AGBL4: variants seen among roughly 807,000 people sequenced by gnomAD.
AGBL4 encodes the protein AGBL carboxypeptidase 4.
A neutral mutation model predicts 66.4 loss-of-function variants in AGBL4; 58 were observed. That is an observed-to-expected ratio of 0.87 (90% CI 0.71 to 1.09). AGBL4 has a LOEUF of 1.09. Among genes scored for constraint, AGBL4 ranks in the 50% least tolerant of loss-of-function variants. AGBL4 has a pLI of 0.00. For synonymous variants in AGBL4, 234 were observed against 222.9 expected, an observed-to-expected ratio of 1.05 and a Z score of -0.44; for missense variants, 579 against 631.0, an observed-to-expected ratio of 0.92 and a Z score of 0.88.
At chr1:48,588,730 T>C (rs901175642) in intron 10 of AGBL4, among the ~76,000 whole-genome samples, 3 of 151,130 alleles carry the variant, frequency 2.0e-5, no homozygotes, top group Non-Finnish European at 4.4e-5. Context: ...GAATGTCAGA[T>C]CTGAAAGACC....
chr1:49,892,955 T>C (rs1648801035), intron 1 of AGBL4, among the ~76,000 whole-genome samples: 1 of 152,160 alleles, frequency 6.6e-6, no homozygotes, highest in Non-Finnish European at 1.5e-5. Context: ...CCTAATACTT[T>C]GCAGTTTTGT....
chr1:49,817,400 AT>A (rs1275734168), intron 2 of AGBL4, among the ~76,000 whole-genome samples: 3 of 152,216 alleles, frequency 2.0e-5, no homozygotes, highest in South Asian at 4.1e-4. Context: ...TGAGTTAAAA[AT>A]ATTGTCTGTT....
At chr1:49,603,312 CAAAG>C (rs1310154729) in intron 3 of AGBL4, among the ~76,000 whole-genome samples, 2 of 151,938 alleles carry the variant, frequency 1.3e-5, no homozygotes, top group Non-Finnish European at 2.9e-5. Context: ...AAGCAAAAGA[CAAAG>C]AAATAAGAAA....
intron 11 of AGBL4, among the ~76,000 whole-genome samples, chr1:48,572,864 G>C (rs894291769): frequency 2.0e-5 from 3 of 152,196 alleles, no homozygotes; most frequent in Non-Finnish European, 4.4e-5. Context: ...TCAGGCAACT[G>C]CAACAAAGCC....
rs1645968027 is a variant in AGBL4 at position 48,653,536 on chromosome 1, A to T, written c.725-85T>A. The T allele has an allele frequency of 4.8e-6, 5 of 1,041,054 alleles. No individual in the cohort carries two copies. In the South Asian group the frequency reaches 7.4e-5, roughly 15 times the overall value. The allele number at this position is 1,041,054 out of a possible 1,614,324, so 64.5% of individuals were successfully genotyped here. Reference sequence around the variant, plus strand: ...TTTTCTCAGCTTGGAAAACAAGAAGAGCTCAATAGGTGATTTTGGCCTGTG... The same window carrying T: ...TTTTCTCAGCTTGGAAAACAAGAAGTGCTCAATAGGTGATTTTGGCCTGTG... On this transcript the variant is annotated intron_variant, in intron 7 of 13. Transcript: ENST00000371839.
chr1:48,901,544 C>T (rs529101716), intron 5 of AGBL4, among the ~76,000 whole-genome samples: 10 of 152,190 alleles, frequency 6.6e-5, no homozygotes, highest in South Asian at 2.1e-4. Flanking sequence ...ACAATAAAAA[C>T]GAATGACCCA....
intron 4 of AGBL4, among the ~76,000 whole-genome samples, chr1:49,164,722 ATAACT>A (rs1324123438): frequency 1.3e-5 from 2 of 152,140 alleles, no homozygotes; most frequent in South Asian, 2.1e-4. Context: ...TTGCCTATTG[ATAACT>A]TAAATTATGT....
At chr1:48,949,152 A>C (rs1437093911) in intron 5 of AGBL4, among the ~76,000 whole-genome samples, 2 of 152,198 alleles carry the variant, frequency 1.3e-5, no homozygotes, top group Non-Finnish European at 2.9e-5. Flanking sequence ...AGAAGGTTTT[A>C]TCAGGGGGAG....
chr1:48,916,170 T>C (rs1231766817), intron 5 of AGBL4, among the ~76,000 whole-genome samples: 1 of 152,226 alleles, frequency 6.6e-6, no homozygotes, highest in Non-Finnish European at 1.5e-5. Context: ...TGAAGGCAGC[T>C]TGACTGAAGA....
chr1:48,547,074 C>A (rs932862035), intron 11 of AGBL4, among the ~76,000 whole-genome samples: 1 of 151,686 alleles, frequency 6.6e-6, no homozygotes, highest in African/African-American at 2.4e-5. Flanking sequence ...GGGTGAGAGA[C>A]GGAAACTGGA....
At chr1:49,530,273 C>CAAACAAA (rs1651009781) in intron 3 of AGBL4, among the ~76,000 whole-genome samples, 1 of 111,928 alleles carries the variant, frequency 8.9e-6, no homozygotes, top group African/African-American at 3.6e-5. Context: ...AAAAAAAAAA[C>CAAACAAA]AAAAAAAAAC....
At position 49,819,124 on chromosome 1, in the gene AGBL4, A is replaced by G. The variant is rs1241560019; in HGVS notation, c.157+32272T>C. ...TTTCCTGGAATATAATAGATGATCA[A>G]TACTTCTCTGGCCATATTTATTCTG... On this transcript the variant is annotated intron_variant, in intron 2 of 13. Coordinates refer to ENST00000371839, the MANE Select transcript of AGBL4 (RefSeq NM_032785.4). Among the ~76,000 whole-genome samples the G allele has an allele frequency of 2.6e-5, 4 of 152,298 alleles. No individual in the cohort carries two copies. In the East Asian group the frequency reaches 7.7e-4, roughly 29 times the overall value.
chr1:49,601,131 T>C (rs1479959472), intron 3 of AGBL4, among the ~76,000 whole-genome samples: 1 of 152,224 alleles, frequency 6.6e-6, no homozygotes, highest in Non-Finnish European at 1.5e-5. Context: ...TCGAGGAATA[T>C]CTTTTTGGTG....
intron 4 of AGBL4, among the ~76,000 whole-genome samples, chr1:49,205,373 C>T (rs1273220134): frequency 6.6e-6 from 1 of 152,080 alleles, no homozygotes; most frequent in East Asian, 1.9e-4. Flanking sequence ...TTGATTCTCA[C>T]TTAACGGTCT....
intron 6 of AGBL4, among the ~76,000 whole-genome samples, chr1:48,824,709 T>A (rs1292477590): frequency 6.6e-6 from 1 of 152,134 alleles, no homozygotes; most frequent in East Asian, 1.9e-4. Context: ...AAACCTGACA[T>A]CCTTGGGATA....
chr1:48,769,110 C>T (rs1366552256), intron 6 of AGBL4, among the ~76,000 whole-genome samples: 1 of 152,212 alleles, frequency 6.6e-6, no homozygotes, highest in Non-Finnish European at 1.5e-5. Context: ...AAAACCTTAA[C>T]AGATCCATCC....
chr1:48,523,959 C>T, the AGBL4 span, among the ~76,000 whole-genome samples: 3 of 152,160 alleles, frequency 2.0e-5, no homozygotes, highest in Admixed American at 6.5e-5. Context: ...ATTTGTGTAT[C>T]TAAAAAAATC....
rs138901674 is a variant in AGBL4, at chr1:49,272,062, C to G, written c.283-26198G>C. ...GAATGTTATTTGTTACATTGTCACA[C>G]TAATGTTATTACTACAGGAGGCCAC... On this transcript the variant is annotated intron_variant, in intron 3 of 13. Coordinates refer to ENST00000371839, the MANE Select transcript of AGBL4 (RefSeq NM_032785.4). Among the ~76,000 whole-genome samples the G allele has an allele frequency of 9.7e-3, 1,471 of 152,262 alleles. 31 individuals carry two copies. The highest frequency in any genetic ancestry group is 0.032 in the African/African-American group (1,341 of 41,558).
intron 1 of AGBL4, among the ~76,000 whole-genome samples, chr1:49,970,798 A>G (rs1658019188): frequency 6.6e-6 from 1 of 151,162 alleles, no homozygotes; most frequent in African/African-American, 2.4e-5. Flanking sequence ...ATAAATCATC[A>G]GGGAAATGCA....
Sources: gnomAD v4.1 joint callset for allele counts (sites outside exome capture counted in the v4.1 genomes callset) on GRCh38, gnomAD v4.1.1 for gene constraint, MANE v1.5 for transcripts, NCBI Gene and HGNC (gene_info 2026-07-23, HGNC 2026-07-21) for gene names.